Variants in CNTN3 observed in about 807,000 individuals in gnomAD.
CNTN3 encodes the protein contactin-3.
Under a neutral mutation model 119.1 loss-of-function variants are expected in CNTN3, and 60 were observed. The observed-to-expected ratio is 0.50, with a 90% confidence interval of 0.41 to 0.62. CNTN3 has a LOEUF of 0.62. Among genes scored for constraint, CNTN3 ranks in the 20% least tolerant of loss-of-function variants. The probability of loss-of-function intolerance (pLI) is 0.00; values close to 1 mark genes in which losing one functional copy is unlikely to be tolerated. For missense variants in CNTN3, 1,101 were observed against 1,242.4 expected, an observed-to-expected ratio of 0.89 and a Z score of 1.71; for synonymous variants, 450 against 438.7, an observed-to-expected ratio of 1.03 and a Z score of -0.32.
chr3:74,364,640 C>T lies in CNTN3; in HGVS notation c.1084-44G>A, dbSNP rs2106778177. 1.3e-6 allele frequency: 2 copies of T among 1,508,060 alleles called. 1 individual carries two copies. The highest frequency in any genetic ancestry group is 2.3e-5 in the South Asian group (2 of 87,682). The allele number at this position is 1,508,060 out of a possible 1,614,324, so 93.4% of individuals were successfully genotyped here. ...ATCTTTCATATAAACAAACATACCA[C>T]TTTAGAATAAAAATGAACTGACTAT... On this transcript the variant is annotated intron_variant, in intron 9 of 22. Transcript: ENST00000263665.
chr3:74,461,313 T>C (rs1180046786), intron 4 of CNTN3, among the ~76,000 whole-genome samples: 5 of 152,036 alleles, frequency 3.3e-5, no homozygotes, highest in Non-Finnish European at 1.5e-5. Flanking sequence ...CCTTTGTTCA[T>C]GCCATTTATC....
chr3:74,555,101 T>C (rs1704049602), intron 1 of CNTN3, among the ~76,000 whole-genome samples: 2 of 152,188 alleles, frequency 1.3e-5, no homozygotes, highest in African/African-American at 4.8e-5. Flanking sequence ...ATACCTAGTT[T>C]ATTGAGAGTT....
At chr3:74,398,211 G>A (rs1705103783) in intron 5 of CNTN3, among the ~76,000 whole-genome samples, 2 of 152,270 alleles carry the variant, frequency 1.3e-5, no homozygotes, top group East Asian at 3.9e-4. Flanking sequence ...GCATGCTATG[G>A]ATAAATCTTT....
intron 13 of CNTN3, among the ~76,000 whole-genome samples, chr3:74,320,278 A>G (rs538148930): frequency 6.6e-6 from 1 of 152,336 alleles, no homozygotes; most frequent in South Asian, 2.1e-4. Flanking sequence ...CAAATGTCCA[A>G]CAACGATAGA....
chr3:74,381,453 G>T (rs796227036), intron 5 of CNTN3, among the ~76,000 whole-genome samples: 4 of 152,138 alleles, frequency 2.6e-5, no homozygotes, highest in South Asian at 2.1e-4. Context: ...AAACCAGTAG[G>T]TCTCTATAAA....
rs538703018 is a variant in CNTN3 at position 74,603,976 on chromosome 3, C to G, written c.-81+10415G>C. 2.0e-5 allele frequency among the ~76,000 whole-genome samples: 3 copies of G among 152,142 alleles called. No homozygotes were observed. In the South Asian group the frequency reaches 6.2e-4, roughly 32 times the overall value. ...CTGGCATCAAAACAGAACGCATATC[C>G]CATCAGAACAGAACAGAGAGTCAAG... On this transcript the variant is annotated intron_variant, in intron 1 of 22. Transcript: ENST00000263665.
intron 4 of CNTN3, among the ~76,000 whole-genome samples, chr3:74,477,883 G>A (rs1451730649): frequency 6.6e-6 from 1 of 151,618 alleles, no homozygotes; most frequent in Non-Finnish European, 1.5e-5. Context: ...TCTCAAAGAA[G>A]GAAATGCTTC....
intron 4 of CNTN3, among the ~76,000 whole-genome samples, chr3:74,454,287 A>G (rs1436834521): frequency 3.7e-4 from 49 of 132,898 alleles, no homozygotes; most frequent in African/African-American, 1.2e-3. Context: ...GTCTCTTTTG[A>G]TCTTTGTTGG....
chr3:74,387,105 G>C (rs1390650694), intron 5 of CNTN3, among the ~76,000 whole-genome samples: 1 of 152,210 alleles, frequency 6.6e-6, no homozygotes, highest in Admixed American at 6.5e-5. Flanking sequence ...AAACTCCAAA[G>C]TGATGATGTG....
intron 18 of CNTN3, among the ~76,000 whole-genome samples, chr3:74,297,503 C>T (rs1317714482): frequency 1.3e-5 from 2 of 151,960 alleles, no homozygotes; most frequent in African/African-American, 4.8e-5. Flanking sequence ...TATGGTAATC[C>T]GCATGTTGCA....
chr3:74,430,885 C>T (rs1373330193), intron 4 of CNTN3, among the ~76,000 whole-genome samples: 3 of 152,104 alleles, frequency 2.0e-5, no homozygotes, highest in Non-Finnish European at 4.4e-5. Flanking sequence ...TCTCTTCCCC[C>T]ACGTTACCTA....
At chr3:74,608,535 G>T (rs549957437) in intron 1 of CNTN3, among the ~76,000 whole-genome samples, 3 of 152,220 alleles carry the variant, frequency 2.0e-5, no homozygotes, top group African/African-American at 7.2e-5. Flanking sequence ...TTTGGCTTAT[G>T]CTTCCTTTAG....
At chr3:74,270,460 T>A (rs1345324248) in intron 20 of CNTN3, among the ~76,000 whole-genome samples, 1 of 152,108 alleles carries the variant, frequency 6.6e-6, no homozygotes, top group Non-Finnish European at 1.5e-5. Flanking sequence ...ATCTCACTCA[T>A]GATGAACATA....
At chr3:74,268,996 C>A (rs564408954) in intron 20 of CNTN3, among the ~76,000 whole-genome samples, 1 of 145,082 alleles carries the variant, frequency 6.9e-6, no homozygotes, top group Admixed American at 7.1e-5. Context: ...TCACAACATA[C>A]GTGGGCTGAA....
intron 5 of CNTN3, among the ~76,000 whole-genome samples, chr3:74,420,401 C>T (rs1474676944): frequency 6.6e-6 from 1 of 152,174 alleles, no homozygotes; most frequent in Non-Finnish European, 1.5e-5. Context: ...GCCTTTTCCA[C>T]ATCTATCTTC....
chr3:74,478,257 C>T (rs1470281409), intron 4 of CNTN3, among the ~76,000 whole-genome samples: 2 of 152,052 alleles, frequency 1.3e-5, no homozygotes, highest in Admixed American at 6.6e-5. Context: ...GTAGCAGGCA[C>T]ATCTGGAAGA....
At chr3:74,435,322 G>A (rs1701848447) in intron 4 of CNTN3, among the ~76,000 whole-genome samples, 1 of 152,058 alleles carries the variant, frequency 6.6e-6, no homozygotes, top group African/African-American at 2.4e-5. Context: ...CCAAAGTTGT[G>A]TGCCAACATC....
intron 4 of CNTN3, among the ~76,000 whole-genome samples, chr3:74,473,345 A>C (rs1355202639): frequency 4.6e-5 from 7 of 152,312 alleles, no homozygotes; most frequent in Middle Eastern, 3.4e-3. Flanking sequence ...GTCAGAGATC[A>C]TTAACCAGTG....
chr3:74,448,060 T>C (rs900059941), intron 4 of CNTN3, among the ~76,000 whole-genome samples: 1 of 152,160 alleles, frequency 6.6e-6, no homozygotes, highest in Non-Finnish European at 1.5e-5. Flanking sequence ...TAAAGCTTTG[T>C]CTTCTATGCT....
Sources: gnomAD v4.1 joint callset for allele counts (sites outside exome capture counted in the v4.1 genomes callset) on GRCh38, gnomAD v4.1.1 for gene constraint, MANE v1.5 for transcripts, NCBI Gene and HGNC (gene_info 2026-07-23, HGNC 2026-07-21) for gene names.